The following GRM5 variants were observed in gnomAD, a reference collection of about 807,000 sequenced individuals.
GRM5 encodes metabotropic glutamate receptor 5.
In GRM5, 19 loss-of-function variants were observed where a neutral mutation model predicts 83.1. That is an observed-to-expected ratio of 0.23 (90% CI 0.16 to 0.34). The LOEUF (loss-of-function observed/expected upper bound fraction) is 0.34, where lower values mean the gene tolerates loss of function less well. Ranked by LOEUF, GRM5 falls within the 10% of genes least tolerant of loss-of-function variation. The pLI, the probability that GRM5 is intolerant of heterozygous loss-of-function variation, is 1.00. For synonymous variants in GRM5, 675 were observed against 633.6 expected (o/e 1.07, Z -0.98); for missense variants, 1,160 against 1,588.3 (o/e 0.73, Z 4.58).
intron 3 of GRM5, among the ~76,000 whole-genome samples, chr11:88,830,109 T>C (rs1267443620): frequency 2.0e-5 from 3 of 151,342 alleles, no homozygotes; most frequent in Non-Finnish European, 4.4e-5. Flanking sequence ...ACAAAACAAA[T>C]AATGGAAAAA....
chr11:88,536,843 G>C (rs1007900757), intron 8 of GRM5, among the ~76,000 whole-genome samples: 4 of 152,178 alleles, frequency 2.6e-5, no homozygotes, highest in African/African-American at 4.8e-5. Context: ...CAGTCATAAA[G>C]TGAAGAGAGA....
intron 3 of GRM5, among the ~76,000 whole-genome samples, chr11:88,678,677 TC>T (rs1286271423): frequency 2.6e-5 from 4 of 152,180 alleles, no homozygotes; most frequent in Admixed American, 1.3e-4. Context: ...TGATATTTTT[TC>T]ATTACAAATT....
At chr11:88,940,399 T>A (rs979472194) in intron 2 of GRM5, among the ~76,000 whole-genome samples, 2 of 151,314 alleles carry the variant, frequency 1.3e-5, no homozygotes, top group African/African-American at 4.8e-5. Flanking sequence ...TTTTTCTTTT[T>A]TTTGTCATTT....
intron 2 of GRM5, among the ~76,000 whole-genome samples, chr11:88,978,330 T>C (rs1019137959): frequency 3.3e-5 from 5 of 151,990 alleles, no homozygotes; most frequent in African/African-American, 1.2e-4. Flanking sequence ...TGGGTGTATA[T>C]TTACCTCCAA....
chr11:88,990,373 G>C (rs1304847058), intron 2 of GRM5, among the ~76,000 whole-genome samples: 3 of 150,328 alleles, frequency 2.0e-5, no homozygotes, highest in Non-Finnish European at 3.0e-5. Context: ...ATAATCAATA[G>C]CTTACCAACC....
intron 3 of GRM5, among the ~76,000 whole-genome samples, chr11:88,792,346 G>C (rs1943190459): frequency 6.6e-6 from 1 of 151,990 alleles, no homozygotes; most frequent in African/African-American, 2.4e-5. Context: ...GTTCTAATTT[G>C]GGCTATTTAT....
chr11:88,889,881 T>C (rs1052448050), intron 2 of GRM5, among the ~76,000 whole-genome samples: 1 of 152,154 alleles, frequency 6.6e-6, no homozygotes, highest in African/African-American at 2.4e-5. Flanking sequence ...CCCTTTCTTT[T>C]CCTCATGAAA....
At chr11:89,040,273 T>A (rs1448347992) in intron 2 of GRM5, among the ~76,000 whole-genome samples, 2 of 152,168 alleles carry the variant, frequency 1.3e-5, no homozygotes, top group Non-Finnish European at 2.9e-5. Flanking sequence ...CAAGATAGCA[T>A]TAATGTAATC....
chr11:88,802,186 T>C (rs1256042204), intron 3 of GRM5, among the ~76,000 whole-genome samples: 4 of 152,082 alleles, frequency 2.6e-5, no homozygotes, highest in African/African-American at 9.7e-5. Flanking sequence ...GACAAAGAAC[T>C]AAGAAAAACA....
chr11:88,788,666 C>T (rs926898608), intron 3 of GRM5, among the ~76,000 whole-genome samples: 10 of 152,122 alleles, frequency 6.6e-5, no homozygotes, highest in Non-Finnish European at 1.2e-4. Context: ...AGAAATGTGA[C>T]TATCTGATGG....
chr11:88,942,600 T>C (rs1938149966), intron 2 of GRM5, among the ~76,000 whole-genome samples: 1 of 151,994 alleles, frequency 6.6e-6, no homozygotes, highest in Admixed American at 6.6e-5. Context: ...CATAAGCCTC[T>C]CACACAAGAA....
chr11:89,042,534 T>C (rs928478374), intron 2 of GRM5, among the ~76,000 whole-genome samples: 1 of 152,206 alleles, frequency 6.6e-6, no homozygotes, highest in Non-Finnish European at 1.5e-5. Context: ...AATTTATGTG[T>C]CTTTATTATT....
intron 3 of GRM5, among the ~76,000 whole-genome samples, chr11:88,677,757 C>T (rs1290057217): frequency 6.6e-6 from 1 of 152,064 alleles, no homozygotes; most frequent in African/African-American, 2.4e-5. Context: ...TTATCAATTT[C>T]TCATTAATCA....
chr11:88,566,918 A>T, intron 8 of GRM5, 135 bp downstream of exon 8: 1 of 608,902 alleles, frequency 1.6e-6, no homozygotes, highest in East Asian at 2.8e-5. Flanking sequence ...TTTTATGAGA[A>T]GGTCCATGCC....
intron 2 of GRM5, among the ~76,000 whole-genome samples, chr11:88,878,331 C>T (rs1319442858): frequency 6.6e-6 from 1 of 152,134 alleles, no homozygotes. Flanking sequence ...TGGAACAACT[C>T]TTTATTCACA....
intron 5 of GRM5, 47 bp from the exon 6 acceptor site, chr11:88,597,399 T>G (rs762363549): frequency 1.9e-6 from 2 of 1,049,520 alleles, no homozygotes; most frequent in Non-Finnish European, 2.8e-6. Flanking sequence ...ATGTAAATAC[T>G]CAGCTTTGAA....
Position 88,525,343 on chromosome 11 carries a change from T to C in GRM5, c.2692A>G (p.Ser898Gly). ...SEIECFTPKGSMGNGGRATMS... is the reference protein window; with the variant it reads ...SEIECFTPKGGMGNGGRATMS... Reference sequence around the variant, plus strand: ...GTTGCTCTCCCACCATTCCCCATACTCCCTTTGGGGGTGAAACACTCTATT... The same window carrying C: ...GTTGCTCTCCCACCATTCCCCATACCCCCTTTGGGGGTGAAACACTCTATT... The change falls in exon 9 of 10, where the codon AGT becomes GGT. Residue 898 changes from serine (S) to glycine (G), a missense_variant. Ser to Gly is a moderately conservative substitution (Grantham distance 56). Around this residue, in one of 9 missense-constraint regions of GRM5, gnomAD observed 562 missense variants for 532.4 expected, o/e 1.06. Coordinates refer to ENST00000305447, the MANE Select transcript of GRM5 (RefSeq NM_001143831.3). The C allele has an allele frequency of 1.9e-6, 3 of 1,610,510 alleles. No individual in the cohort carries two copies. Among genetic ancestry groups the C allele is most frequent in the Non-Finnish European group, 2.5e-6 (3 of 1,176,828 alleles).
chr11:88,610,729 G>A (rs923452436), intron 4 of GRM5, among the ~76,000 whole-genome samples: 11 of 152,142 alleles, frequency 7.2e-5, no homozygotes, highest in Non-Finnish European at 1.3e-4. Flanking sequence ...TTGCCTGATT[G>A]CTCTGGCTAG....
chr11:88,878,085 G>T (rs1240342554), intron 2 of GRM5, among the ~76,000 whole-genome samples: 1 of 150,040 alleles, frequency 6.7e-6, no homozygotes, highest in Non-Finnish European at 1.5e-5. Context: ...TCATCCAAGA[G>T]AAATAGCAAT....
Sources: allele counts gnomAD v4.1 joint callset (sites outside exome capture counted in the v4.1 genomes callset), GRCh38; gene constraint gnomAD v4.1.1; regional missense constraint gnomAD v4.1.1; transcripts MANE v1.5; gene names NCBI Gene and HGNC (gene_info 2026-07-23, HGNC 2026-07-21).